LPAR1: variants seen among roughly 807,000 people sequenced by gnomAD.
LPAR1 encodes the protein LPA receptor 1.
In LPAR1, 5 loss-of-function variants were observed where a neutral mutation model predicts 23.8. The observed-to-expected ratio is 0.21, with a 90% CI of 0.11 to 0.44. The LOEUF (loss-of-function observed/expected upper bound fraction) is 0.44, where lower values mean the gene tolerates loss of function less well. LPAR1 is among the 20% of genes least tolerant of loss of function. LPAR1 has a pLI of 0.99. For synonymous variants in LPAR1, 160 were observed against 164.7 expected (o/e 0.97, Z 0.22); for missense variants, 311 against 482.8 (o/e 0.64, Z 3.33).
chr9:110,922,824 ATATTATTATTATTATTAT>A (rs61229734), intron 5 of LPAR1, among the ~76,000 whole-genome samples: 1 of 142,240 alleles, frequency 7.0e-6, no homozygotes, highest in East Asian at 2.0e-4. Context: ...TCTTATTATT[ATATTATTATTATTATTAT>A]TATTATTATT....
intron 5 of LPAR1, among the ~76,000 whole-genome samples, chr9:110,883,600 G>A (rs1336864300): frequency 3.9e-5 from 6 of 152,284 alleles, no homozygotes; most frequent in African/African-American, 1.4e-4. Flanking sequence ...TAAATGTGAT[G>A]CCCTTAATTC....
intron 5 of LPAR1, among the ~76,000 whole-genome samples, chr9:110,890,830 A>T (rs1402204841): frequency 6.6e-6 from 1 of 152,240 alleles, no homozygotes; most frequent in African/African-American, 2.4e-5. Flanking sequence ...TATTAGCACC[A>T]ATGACTTGCC....
chr9:110,875,299 T>C lies in LPAR1; in HGVS notation c.*122A>G. The C allele has an allele frequency of 1.4e-6, 1 of 732,650 alleles. No homozygotes were observed. Among genetic ancestry groups the C allele is most frequent in the South Asian group, 2.1e-5 (1 of 48,340 alleles). The allele number at this position is 732,650 out of a possible 1,614,324, so 45.4% of individuals were successfully genotyped here. ...AGGAACAAATACTGTCATTGGTTAGTGTTTAAGTACATGAGTTGACTTTTC... is the reference window on the plus strand; with the variant it reads ...AGGAACAAATACTGTCATTGGTTAGCGTTTAAGTACATGAGTTGACTTTTC... On this transcript the variant is annotated 3_prime_UTR_variant, in exon 6 of 6. Coordinates refer to ENST00000683809, the MANE Select transcript of LPAR1 (RefSeq NM_001351411.2).
chr9:110,991,339 C>G (rs906768188), intron 2 of LPAR1, among the ~76,000 whole-genome samples: 1 of 152,160 alleles, frequency 6.6e-6, no homozygotes, highest in Non-Finnish European at 1.5e-5. Flanking sequence ...AACAGGGCCT[C>G]CCACCCTCCA....
intron 2 of LPAR1, among the ~76,000 whole-genome samples, chr9:110,991,117 C>G (rs1336198456): frequency 6.6e-6 from 1 of 152,108 alleles, no homozygotes; most frequent in Non-Finnish European, 1.5e-5. Flanking sequence ...AACTTAGAAC[C>G]ATAAAACTTC....
At chr9:111,038,872 C>A (rs750944402), upstream of LPAR1, among the ~76,000 whole-genome samples, 4 of 152,174 alleles carry the variant, frequency 2.6e-5, no homozygotes, top group Non-Finnish European at 4.4e-5. The surrounding 1 kb of genome is among the most constrained non-coding windows in gnomAD (Gnocchi z 4.4). Context: ...GCGCTTACCC[C>A]AGCGCCGGAC....
Position 110,941,613 on chromosome 9 carries a change from G to A in LPAR1, c.601C>T (p.Leu201Phe). The A allele has an allele frequency of 6.2e-7, 1 of 1,614,106 alleles. No homozygotes were observed. The highest frequency in any genetic ancestry group is 8.5e-7 in the Non-Finnish European group (1 of 1,179,982). Reference sequence around the variant, plus strand: ...AAGACTAAGTAAGAGTCACTGTAGAGGGGTGCCATGTTGGAACAATTTTCA... The same window carrying A: ...AAGACTAAGTAAGAGTCACTGTAGAAGGGTGCCATGTTGGAACAATTTTCA... Reference protein sequence around the residue: ...DIENCSNMAPLYSDSYLVFWA... With the variant: ...DIENCSNMAPFYSDSYLVFWA... Residue 201 changes from leucine to phenylalanine, a missense_variant, in exon 5 of 6, where the codon CTC becomes TTC. Leu to Phe is a conservative substitution (Grantham distance 22). Coordinates refer to ENST00000683809, the MANE Select transcript of LPAR1 (RefSeq NM_001351411.2). The surrounding 1 kb of genome is among the most constrained non-coding windows in gnomAD (Gnocchi z 6.1).
intron 4 of LPAR1, among the ~76,000 whole-genome samples, chr9:110,960,378 T>TATG (rs1208607163): frequency 1.3e-5 from 2 of 152,162 alleles, no homozygotes; most frequent in Non-Finnish European, 2.9e-5. Flanking sequence ...ATTTTTTATG[T>TATG]TTTTCTCACA....
chr9:111,007,445 G>A (rs1395137422), intron 2 of LPAR1, among the ~76,000 whole-genome samples: 2 of 151,996 alleles, frequency 1.3e-5, no homozygotes, highest in Non-Finnish European at 2.9e-5. Flanking sequence ...ATTTTTAGAT[G>A]AGCATCCCAA....
intron 2 of LPAR1, among the ~76,000 whole-genome samples, chr9:111,030,925 CAT>C (rs1491018638): frequency 2.0e-5 from 3 of 152,220 alleles, no homozygotes; most frequent in African/African-American, 7.2e-5. Context: ...CACAAACATA[CAT>C]ATGAGTATGT....
intron 5 of LPAR1, among the ~76,000 whole-genome samples, chr9:110,928,411 TG>T (rs1289367850): frequency 1.3e-5 from 2 of 152,214 alleles, no homozygotes; most frequent in African/African-American, 4.8e-5. Flanking sequence ...ACTCATATTT[TG>T]TTTCTATAGC....
At position 110,972,122 on chromosome 9, in the gene LPAR1, G is replaced by A; in HGVS notation, c.-5C>T. The A allele has an allele frequency of 6.2e-7, 1 of 1,613,718 alleles. No homozygotes were observed. Among genetic ancestry groups the A allele is most frequent in the Non-Finnish European group, 8.5e-7 (1 of 1,179,632 alleles). ...GGAAGTAGAGATGGCAGCCATGACA[G>A]CTCTGTGGTTGTAGGTGGTGAACAC... On this transcript the variant is annotated 5_prime_UTR_variant, in exon 4 of 6. Transcript: ENST00000683809.
intron 4 of LPAR1, among the ~76,000 whole-genome samples, chr9:110,966,436 G>A (rs1257838950): frequency 2.7e-5 from 4 of 148,240 alleles, no homozygotes; most frequent in African/African-American, 1.0e-4. Context: ...CCAAGATCAC[G>A]ACATTGCACT....
chr9:110,904,354 A>G (rs1165799728), intron 5 of LPAR1, among the ~76,000 whole-genome samples: 1 of 152,200 alleles, frequency 6.6e-6, no homozygotes, highest in Non-Finnish European at 1.5e-5. Context: ...TGGGAAAGGT[A>G]AAAGCATTTA....
intron 2 of LPAR1, among the ~76,000 whole-genome samples, chr9:111,030,090 C>A (rs546443178): frequency 2.0e-5 from 3 of 149,378 alleles, no homozygotes; most frequent in South Asian, 4.3e-4. Flanking sequence ...CTCAGCCAAA[C>A]GTAAGGACAC....
chr9:111,007,458 G>GA (rs1388556846), intron 2 of LPAR1, among the ~76,000 whole-genome samples: 1 of 151,982 alleles, frequency 6.6e-6, no homozygotes, highest in Non-Finnish European at 1.5e-5. Flanking sequence ...CATCCCAATA[G>GA]AAAAATGGTT....
At chr9:111,009,597 T>A (rs1484634419) in intron 2 of LPAR1, among the ~76,000 whole-genome samples, 1 of 152,072 alleles carries the variant, frequency 6.6e-6, no homozygotes, top group Non-Finnish European at 1.5e-5. Context: ...GTCCATTTTT[T>A]GTTTACATTT....
At chr9:111,012,018 G>A (rs1011997479) in intron 2 of LPAR1, among the ~76,000 whole-genome samples, 2 of 152,188 alleles carry the variant, frequency 1.3e-5, no homozygotes, top group Non-Finnish European at 2.9e-5. Flanking sequence ...GAGAGGCCAA[G>A]GCAGAAAGAT....
intron 5 of LPAR1, among the ~76,000 whole-genome samples, chr9:110,900,005 A>T (rs1293564079): frequency 6.6e-6 from 1 of 152,112 alleles, no homozygotes; most frequent in Non-Finnish European, 1.5e-5. Context: ...TTACATAAAA[A>T]GTTATATGAG....
Sources: gnomAD v4.1 joint callset for allele counts (sites outside exome capture counted in the v4.1 genomes callset) on GRCh38, gnomAD v4.1.1 for gene constraint, Gnocchi (gnomAD v3.1) non-coding constraint, MANE v1.5 for transcripts, NCBI Gene and HGNC (gene_info 2026-07-23, HGNC 2026-07-21) for gene names.